MCF2: variants seen among roughly 807,000 people sequenced by gnomAD.
MCF2 encodes MCF.2 cell line derived transforming sequence, also known as proto-oncogene DBL.
MCF2 carries 44 observed loss-of-function variants against 82.5 expected under a neutral mutation model. The ratio of observed to expected loss-of-function variants is 0.53; its 90% confidence interval spans 0.42 to 0.69. The LOEUF (loss-of-function observed/expected upper bound fraction) is 0.69. MCF2 is among the 30% of genes least tolerant of loss of function. MCF2 has a pLI of 0.00. For missense variants in MCF2, 623 were observed against 663.1 expected (o/e 0.94, Z 0.66); for synonymous variants, 217 against 224.9 (o/e 0.96, Z 0.32).
At chrX:139,607,621 G>T in intron 12 of MCF2, 70 bp downstream of exon 16, 1 of 740,901 alleles carries the variant, frequency 1.3e-6, no homozygotes, top group Non-Finnish European at 2.0e-6. Context: ...AATCACATTG[G>T]CCTTGAACAC....
intron 2 of MCF2, among the ~76,000 whole-genome samples, chrX:139,649,976 A>G (rs1933938087): frequency 8.9e-6 from 1 of 112,301 alleles, no homozygotes; most frequent in Non-Finnish European, 1.9e-5. Context: ...AGCCATATTA[A>G]TTAAGTCATC....
intron 19 of MCF2, among the ~76,000 whole-genome samples, chrX:139,592,924 C>T (rs1042288874): frequency 8.9e-6 from 1 of 111,837 alleles, no homozygotes; most frequent in Admixed American, 9.5e-5. Context: ...ATACCTCATG[C>T]CTGTCTCAAA....
chrX:139,683,311 C>A (rs767999956), intron 1 of MCF2, among the ~76,000 whole-genome samples: 21 of 112,653 alleles, frequency 1.9e-4, no homozygotes, highest in Non-Finnish European at 3.4e-4. Flanking sequence ...ATGCCAATAT[C>A]CATTATAGTA....
chrX:139,627,201 G>A (rs1392386869), intron 4 of MCF2, among the ~76,000 whole-genome samples: 3 of 111,729 alleles, frequency 2.7e-5, no homozygotes, highest in Non-Finnish European at 3.8e-5. Context: ...CGCGTAGCAG[G>A]GACAACAAAT....
chrX:139,669,192 A>C (rs1390173923), intron 1 of MCF2, among the ~76,000 whole-genome samples: 1 of 112,152 alleles, frequency 8.9e-6, no homozygotes, highest in Admixed American at 9.5e-5. Context: ...AATAACAAAA[A>C]GACAAAGAAT....
intron 22 of MCF2, among the ~76,000 whole-genome samples, chrX:139,586,906 A>C (rs1287340516): frequency 2.7e-5 from 3 of 111,783 alleles, no homozygotes; most frequent in Non-Finnish European, 5.6e-5. Context: ...TTACTCCTAT[A>C]ATGTACGATA....
At chrX:139,665,318 C>T (rs779346335) in intron 1 of MCF2, among the ~76,000 whole-genome samples, 23 of 111,855 alleles carry the variant, frequency 2.1e-4, no homozygotes, top group African/African-American at 6.8e-4. Flanking sequence ...CCCATGGCAG[C>T]GAGCTTGCTG....
At chrX:139,661,525 A>G (rs1204886863) in intron 1 of MCF2, among the ~76,000 whole-genome samples, 3 of 112,012 alleles carry the variant, frequency 2.7e-5, no homozygotes, top group Non-Finnish European at 3.8e-5. Flanking sequence ...CACGTATACA[A>G]CAAAATGTGT....
At position 139,680,518 on chromosome X, in the gene MCF2, G is replaced by A. The variant is rs145614815; in HGVS notation, c.-45+27588C>T. ...TCAGTTCTTGCAGTGTAAACGAGTA[G>A]GGGCATGTTTGAACATGAGCTTAAA... On this transcript the variant is annotated intron_variant, in intron 1 of 27. Transcript: ENST00000414978. Among the ~76,000 whole-genome samples the A allele has an allele frequency of 8.0e-3, 897 of 112,116 alleles. 7 individuals carry two copies. The highest frequency in any genetic ancestry group is 0.027 in the African/African-American group (849 of 30,890).
Position 139,665,146 on chromosome X carries a change from G to A in MCF2, c.-44-13358C>T, listed in dbSNP as rs1395317554. ...GCAAGCTGTGTTGCCTGGGTTGTGA[G>A]AGAGGTGGCACAAGCACTCCCTTAG... On this transcript the variant is annotated intron_variant, in intron 1 of 27. Transcript: ENST00000414978. 3.6e-5 allele frequency among the ~76,000 whole-genome samples: 4 copies of A among 111,452 alleles called. 1 individual carries two copies. In the Admixed American group the frequency reaches 3.8e-4, roughly 11 times the overall value.
chrX:139,686,086 C>T (rs1935116240), intron 1 of MCF2, among the ~76,000 whole-genome samples: 1 of 105,379 alleles, frequency 9.5e-6, no homozygotes, highest in Admixed American at 1.0e-4. Context: ...AAAAAAAAAA[C>T]TCTCGATAAG....
chrX:139,673,460 T>C (rs775436530), intron 1 of MCF2, among the ~76,000 whole-genome samples: 54 of 112,275 alleles, frequency 4.8e-4, no homozygotes, highest in African/African-American at 1.5e-3. Context: ...TTTAGTGCTA[T>C]AAATTTCCCT....
chrX:139,604,509 T>A (rs1234891711), intron 15 of MCF2, among the ~76,000 whole-genome samples, 172 bp downstream of exon 19: 1 of 110,580 alleles, frequency 9.0e-6, no homozygotes, highest in African/African-American at 3.3e-5. Flanking sequence ...TCCCAGTGCA[T>A]CCATTTCTGC....
At chrX:139,694,944 C>T (rs933445675) in intron 1 of MCF2, among the ~76,000 whole-genome samples, 1 of 108,410 alleles carries the variant, frequency 9.2e-6, no homozygotes, top group African/African-American at 3.4e-5. Context: ...TGCCAATATT[C>T]TGCTTGTGAT....
intron 1 of MCF2, among the ~76,000 whole-genome samples, chrX:139,660,558 A>G (rs761193350): frequency 1.8e-5 from 2 of 112,228 alleles, no homozygotes; most frequent in Admixed American, 9.4e-5. Context: ...TGTAAATAGT[A>G]ATGACTTAGC....
chrX:139,658,870 G>A (rs186684100), intron 1 of MCF2, among the ~76,000 whole-genome samples: 223 of 108,924 alleles, frequency 2.0e-3, no homozygotes, highest in African/African-American at 7.0e-3. Flanking sequence ...GAGACGGGGT[G>A]GGGGTGTCTC....
upstream of MCF2, among the ~76,000 whole-genome samples, chrX:139,647,398 A>G (rs753134842): frequency 3.3e-4 from 37 of 112,146 alleles, no homozygotes; most frequent in Admixed American, 1.4e-3. Flanking sequence ...AACAAAAGGA[A>G]TGATGGCAGG....
intron 1 of MCF2, among the ~76,000 whole-genome samples, chrX:139,704,913 C>A (rs1483199519): frequency 1.8e-5 from 2 of 110,257 alleles, no homozygotes; most frequent in South Asian, 3.9e-4. Flanking sequence ...TCACATGAAA[C>A]CAAAAAAGAG....
At chrX:139,593,266 G>T (rs1015864056) in intron 19 of MCF2, among the ~76,000 whole-genome samples, 2 of 110,910 alleles carry the variant, frequency 1.8e-5, no homozygotes, top group African/African-American at 6.6e-5. Context: ...GCGTCTATTT[G>T]ATTCTTCTCT....
Sources: gnomAD v4.1 joint callset for allele counts (sites outside exome capture counted in the v4.1 genomes callset) on GRCh38, gnomAD v4.1.1 for gene constraint, MANE v1.5 for transcripts, NCBI Gene and HGNC (gene_info 2026-07-23, HGNC 2026-07-21) for gene names.